IL1RAPL1: variants seen among roughly 807,000 people sequenced by gnomAD.
The protein encoded by IL1RAPL1 is interleukin-1 receptor accessory protein-like 1.
A neutral mutation model predicts 48.4 loss-of-function variants in IL1RAPL1; 3 were observed. The ratio of observed to expected loss-of-function variants is 0.06; its 90% CI spans 0.03 to 0.16. The LOEUF (loss-of-function observed/expected upper bound fraction) is 0.16. IL1RAPL1 is among the 10% of genes least tolerant of loss of function. IL1RAPL1 has a pLI of 1.00. For synonymous variants in IL1RAPL1, 185 were observed against 187.7 expected (o/e 0.99, Z 0.12); for missense variants, 349 against 530.6 (o/e 0.66, Z 3.36).
chrX:29,613,963 C>T (rs1003451515), intron 5 of IL1RAPL1, among the ~76,000 whole-genome samples: 1 of 108,723 alleles, frequency 9.2e-6, no homozygotes, highest in Admixed American at 9.9e-5. Flanking sequence ...CAGGGTTTCA[C>T]CATGTTAGCC....
At chrX:29,819,255 G>A (rs147900202) in intron 6 of IL1RAPL1, among the ~76,000 whole-genome samples, 1 of 111,222 alleles carries the variant, frequency 9.0e-6, no homozygotes, top group South Asian at 3.8e-4. Context: ...GAAGTAGAGA[G>A]TACTTTCTTC....
rs747231325 is a variant in IL1RAPL1, at chrX:29,932,614, CCT to C, written c.1058-9036_1058-9035del. On this transcript the variant is annotated intron_variant, in intron 8 of 10. Coordinates refer to ENST00000378993, the MANE Select transcript of IL1RAPL1 (RefSeq NM_014271.4). ...GCATTGTGTCATTCTGTGTCTGACC[CCT>C]GTCTCTAAAATACTCCTACAGAAAC... Among the ~76,000 whole-genome samples the C allele has an allele frequency of 2.9e-4, 32 of 111,353 alleles. No individual in the cohort carries two copies. In the East Asian group the frequency reaches 4.0e-3, roughly 14 times the overall value.
intron 6 of IL1RAPL1, among the ~76,000 whole-genome samples, chrX:29,783,367 G>T (rs1215084861): frequency 2.7e-5 from 3 of 111,381 alleles, no homozygotes; most frequent in Middle Eastern, 4.2e-3. Flanking sequence ...AACAAATGAA[G>T]TCAGGGAGTT....
At chrX:28,684,596 ATT>A (rs1419659616) in intron 1 of IL1RAPL1, among the ~76,000 whole-genome samples, 4 of 112,205 alleles carry the variant, frequency 3.6e-5, no homozygotes, top group African/African-American at 1.3e-4. Context: ...GAACTGATAT[ATT>A]TGTCTACATA....
chrX:28,787,409 G>A (rs766727751), intron 1 of IL1RAPL1, among the ~76,000 whole-genome samples: 1 of 111,439 alleles, frequency 9.0e-6, no homozygotes, highest in South Asian at 3.8e-4. Flanking sequence ...TTTTAGGAAT[G>A]CATGACTCAG....
At chrX:29,834,802 G>A (rs1043917603) in intron 6 of IL1RAPL1, among the ~76,000 whole-genome samples, 1 of 111,573 alleles carries the variant, frequency 9.0e-6, no homozygotes, top group Non-Finnish European at 1.9e-5. Context: ...TGAATTTCTG[G>A]TATATTTATG....
intron 2 of IL1RAPL1, among the ~76,000 whole-genome samples, chrX:29,145,494 A>G (rs1314083978): frequency 2.7e-5 from 3 of 112,490 alleles, no homozygotes; most frequent in South Asian, 3.6e-4. Flanking sequence ...GAAGTGAGTC[A>G]GAAGAAAGAA....
chrX:29,472,876 C>T (rs1602252205), intron 5 of IL1RAPL1, among the ~76,000 whole-genome samples: 1 of 112,030 alleles, frequency 8.9e-6, no homozygotes, highest in Non-Finnish European at 1.9e-5. Context: ...GCCTCATCTC[C>T]CATCTCTAAT....
chrX:29,550,062 C>G (rs977211764), intron 5 of IL1RAPL1, among the ~76,000 whole-genome samples: 2 of 112,052 alleles, frequency 1.8e-5, no homozygotes, highest in East Asian at 5.6e-4. Context: ...TCAAAAAATT[C>G]TCATGAACAA....
At chrX:29,588,213 G>C (rs1230725855) in intron 5 of IL1RAPL1, among the ~76,000 whole-genome samples, 2 of 112,196 alleles carry the variant, frequency 1.8e-5, no homozygotes, top group African/African-American at 6.5e-5. Flanking sequence ...TATTTATTCA[G>C]CACCTACTAT....
At chrX:29,064,870 T>G (rs1201891560) in intron 2 of IL1RAPL1, among the ~76,000 whole-genome samples, 2 of 112,403 alleles carry the variant, frequency 1.8e-5, no homozygotes, top group South Asian at 7.4e-4. Flanking sequence ...CGTGAGCCAT[T>G]GCGCCCGGCC....
chrX:29,389,279 C>G (rs1461932933), intron 3 of IL1RAPL1, among the ~76,000 whole-genome samples: 3 of 102,826 alleles, frequency 2.9e-5, no homozygotes, highest in African/African-American at 1.1e-4. Flanking sequence ...TCTCCTGAAC[C>G]TGGGAGGTGG....
At chrX:28,917,805 C>CAGTT (rs1438118370) in intron 2 of IL1RAPL1, among the ~76,000 whole-genome samples, 2 of 112,294 alleles carry the variant, frequency 1.8e-5, no homozygotes, top group African/African-American at 3.2e-5. Flanking sequence ...TTTAAGTGTA[C>CAGTT]AGTTCTGTGG....
intron 2 of IL1RAPL1, among the ~76,000 whole-genome samples, chrX:28,981,940 T>G (rs748765785): frequency 2.6e-4 from 29 of 112,044 alleles, no homozygotes; most frequent in African/African-American, 8.1e-4. Flanking sequence ...CTTTTGGGTT[T>G]GCATCTACCT....
intron 6 of IL1RAPL1, among the ~76,000 whole-genome samples, chrX:29,703,371 C>T (rs1357930183): frequency 5.4e-5 from 6 of 110,545 alleles, no homozygotes; most frequent in Non-Finnish European, 9.5e-5. Flanking sequence ...GAGACAGAGT[C>T]TCACTCTGTC....
intron 2 of IL1RAPL1, among the ~76,000 whole-genome samples, chrX:29,204,430 C>T (rs746446881): frequency 9.0e-6 from 1 of 111,631 alleles, no homozygotes; most frequent in Non-Finnish European, 1.9e-5. Flanking sequence ...GCTGAGATGA[C>T]ATCTCATGTG....
chrX:29,504,204 G>A (rs1935305019), intron 5 of IL1RAPL1, among the ~76,000 whole-genome samples: 2 of 111,183 alleles, frequency 1.8e-5, no homozygotes, highest in Admixed American at 1.9e-4. Flanking sequence ...ATATACTGAT[G>A]TGATTTCTAC....
At chrX:29,902,150 A>G (rs12559459) in intron 6 of IL1RAPL1, among the ~76,000 whole-genome samples, 8,550 of 110,473 alleles carry the variant, frequency 0.077, 312 homozygotes, top group Admixed American at 0.18. Context: ...TCTACTGTAT[A>G]GTCATCATTT....
intron 2 of IL1RAPL1, among the ~76,000 whole-genome samples, chrX:28,826,179 A>T (rs769761011): frequency 1.8e-5 from 2 of 111,951 alleles, no homozygotes; most frequent in East Asian, 5.6e-4. Context: ...ACGTTCATTC[A>T]ATTATTAAAG....
Sources: allele counts gnomAD v4.1 joint callset (sites outside exome capture counted in the v4.1 genomes callset), GRCh38; gene constraint gnomAD v4.1.1; transcripts MANE v1.5; gene names NCBI Gene and HGNC (gene_info 2026-07-23, HGNC 2026-07-21).